SCYL3: variants seen among roughly 807,000 people sequenced by gnomAD.
The protein encoded by SCYL3 is protein-associating with the carboxyl-terminal domain of ezrin.
In SCYL3, 35 loss-of-function variants were observed where a neutral mutation model predicts 73.8. The ratio of observed to expected loss-of-function variants is 0.47; its 90% CI spans 0.36 to 0.63. The LOEUF (loss-of-function observed/expected upper bound fraction) is 0.63, where lower values mean the gene tolerates loss of function less well. Ranked by LOEUF, SCYL3 falls within the 20% of genes least tolerant of loss-of-function variation. SCYL3 has a pLI of 0.00. For missense variants in SCYL3, 712 were observed against 798.9 expected, an observed-to-expected ratio of 0.89 and a Z score of 1.31; for synonymous variants, 277 against 295.2, an observed-to-expected ratio of 0.94 and a Z score of 0.63.
At chr1:169,886,547 A>G (rs879646211) in intron 2 of SCYL3, among the ~76,000 whole-genome samples, 20 of 152,202 alleles carry the variant, frequency 1.3e-4, no homozygotes, top group Admixed American at 7.2e-4. Context: ...TTAGAGTCCA[A>G]TGTGATTCCT....
At chr1:169,867,009 G>T (rs1019682021) in intron 7 of SCYL3, 36 bp from the exon 8 acceptor site, 1 of 1,191,678 alleles carries the variant, frequency 8.4e-7, no homozygotes, top group Non-Finnish European at 1.2e-6. Flanking sequence ...CAGCAGAACA[G>T]ATTAGAGAAT....
At chr1:169,872,848 G>A (rs549842025) in intron 5 of SCYL3, among the ~76,000 whole-genome samples, 1 of 152,278 alleles carries the variant, frequency 6.6e-6, no homozygotes, top group East Asian at 1.9e-4. Flanking sequence ...CATTTGGAAT[G>A]GCCGTATTTA....
intron 11 of SCYL3, among the ~76,000 whole-genome samples, chr1:169,858,681 A>G (rs1659381523): frequency 6.6e-6 from 1 of 152,224 alleles, no homozygotes; most frequent in Non-Finnish European, 1.5e-5. Context: ...GCATTCCACT[A>G]CAGCTACAAC....
chr1:169,854,962 C>G lies in SCYL3; in HGVS notation c.1315G>C (p.Asp439His), dbSNP rs200912363. ...TKNTDLSLEG[D>H]PFSQPIKFPI... is the part of the protein sequence containing the mutation. ...AATTTAATAGGCTGAGAAAATGGAT[C>G]GCCTGTAGGGAAAATAATTATTCTC... The change falls in exon 12 of 13, where the codon GAT becomes CAT. Residue 439 changes from aspartate to histidine, a missense_variant and splice_region_variant. Physicochemically the swap from Asp to His is moderately conservative, Grantham distance 81. Transcript: ENST00000367771. 6.3e-7 allele frequency: 1 copy of G among 1,593,280 alleles called. No individual in the cohort carries two copies. Among genetic ancestry groups the G allele is most frequent in the South Asian group, 1.1e-5 (1 of 88,830 alleles).
intron 9 of SCYL3, among the ~76,000 whole-genome samples, chr1:169,864,050 G>A (rs769185825): frequency 7.2e-5 from 11 of 152,180 alleles, no homozygotes; most frequent in Non-Finnish European, 1.6e-4. Flanking sequence ...AGGAGGCACA[G>A]GCCTAAATGA....
At chr1:169,889,201 C>T (rs966715835) in intron 1 of SCYL3, among the ~76,000 whole-genome samples, 1 of 152,194 alleles carries the variant, frequency 6.6e-6, no homozygotes, top group African/African-American at 2.4e-5. Flanking sequence ...TACTTCCTAA[C>T]TCACTTGTAT....
chr1:169,851,693 C>A lies in SCYL3; in HGVS notation c.*2020G>T. On this transcript the variant is annotated 3_prime_UTR_variant, in exon 13 of 13. Transcript: ENST00000367771. ...ATACTAAGAGTATTTATAGATCAGT[C>A]CATGTGACTTCCAGAATTTGCCTAG... is the stretch of plus-strand genomic sequence containing the variant. 1 of 1,091,782 alleles carries A rather than the reference C, an allele frequency of 9.2e-7. No homozygotes were observed. Among genetic ancestry groups the A allele is most frequent in the Non-Finnish European group, 1.3e-6 (1 of 747,736 alleles). The allele number at this position is 1,091,782 out of a possible 1,614,324, so 67.6% of individuals were successfully genotyped here.
At chr1:169,859,254 C>T (rs753856544) in intron 10 of SCYL3, 42 bp from the exon 11 acceptor site, 7 of 1,554,754 alleles carry the variant, frequency 4.5e-6, no homozygotes, top group Non-Finnish European at 6.1e-6. Context: ...ACCACAATAC[C>T]TATCTCTTTC....
Position 169,854,519 on chromosome 1 carries a change from C to A in SCYL3, c.1758G>T (p.Val586=), listed in dbSNP as rs1062976. The A allele has an allele frequency of 1.1e-5, 18 of 1,613,696 alleles. No homozygotes were observed. In the Admixed American group the frequency reaches 2.3e-4, roughly 21 times the overall value. ...DDADQIEPPK[V]SSQERPLKVP... ...CCTTAAGGGGCCTTTCTTGTGATGA[C>A]ACTTTTGGCGGCTCGATTTGGTCTG... The change falls in exon 12 of 13, where the codon GTG becomes GTT. Residue 586 remains valine, a synonymous_variant. Coordinates refer to ENST00000367771, the MANE Select transcript of SCYL3 (RefSeq NM_020423.7).
At position 169,851,626 on chromosome 1, in the gene SCYL3, A is replaced by G. The variant is rs1571357397; in HGVS notation, c.*2087T>C. The G allele has an allele frequency of 5.9e-6, 4 of 674,464 alleles. No individual in the cohort carries two copies. The highest frequency in any genetic ancestry group is 9.7e-6 in the Non-Finnish European group (4 of 411,006). The allele number at this position is 674,464 out of a possible 1,614,324, so 41.8% of individuals were successfully genotyped here. On this transcript the variant is annotated 3_prime_UTR_variant, in exon 13 of 13. Transcript: ENST00000367771. Reference sequence around the variant, plus strand: ...TGCAAAGACAACTCTATAACTAACTATTTTGTAAGGAAGAACACAGTAGAG... The same window carrying G: ...TGCAAAGACAACTCTATAACTAACTGTTTTGTAAGGAAGAACACAGTAGAG...
At chr1:169,870,654 A>G (rs72637243) in intron 5 of SCYL3, among the ~76,000 whole-genome samples, 4,983 of 152,268 alleles carry the variant, frequency 0.033, 255 homozygotes, top group East Asian at 0.22. Context: ...ATGCTCTACT[A>G]TACATACACG....
At chr1:169,881,184 T>G (rs1238046533) in intron 2 of SCYL3, among the ~76,000 whole-genome samples, 6 of 152,214 alleles carry the variant, frequency 3.9e-5, no homozygotes, top group African/African-American at 1.4e-4. Flanking sequence ...CAAAGAATGG[T>G]AGGGATAGGA....
At chr1:169,860,082 A>G (rs1659505782) in intron 10 of SCYL3, 1 of 152,212 alleles carries the variant, frequency 6.6e-6, no homozygotes, top group Non-Finnish European at 1.5e-5. Context: ...AGGACAGAAA[A>G]CTTGGAAGTT....
At chr1:169,889,456 A>G (rs1322636312) in intron 1 of SCYL3, among the ~76,000 whole-genome samples, 1 of 152,202 alleles carries the variant, frequency 6.6e-6, no homozygotes, top group Admixed American at 6.5e-5. Flanking sequence ...CAATAATGGG[A>G]AAGAAAACAG....
At chr1:169,891,196 G>A (rs912660372) in intron 1 of SCYL3, among the ~76,000 whole-genome samples, 1 of 152,168 alleles carries the variant, frequency 6.6e-6, no homozygotes, top group African/African-American at 2.4e-5. Context: ...GTGGAGCTAC[G>A]GCAAACCAAA....
chr1:169,876,101 AAAAAG>A lies in SCYL3; in HGVS notation c.352-15_352-11del. 1.3e-6 allele frequency: 2 copies of A among 1,526,004 alleles called. No homozygotes were observed. The highest frequency in any genetic ancestry group is 1.8e-6 in the Non-Finnish European group (2 of 1,127,580). 94.5% of individuals were successfully genotyped at this position (1,526,004 alleles called of 1,614,324 possible). A position where few individuals can be genotyped will look rare whatever the true frequency, so the allele number is the denominator to read the frequency against. ...TGTGTGTTAGGTGTCCCTGGAAAAA[AAAAAG>A]AACAGAAGGAAGAGTGCCACTCCAG... On this transcript the variant is annotated splice_polypyrimidine_tract_variant and intron_variant, in intron 3 of 12. Transcript: ENST00000367771.
rs1657875631 is a variant in SCYL3 at position 169,849,838 on chromosome 1, A to G, written c.*3875T>C. The G allele has an allele frequency of 3.8e-6, 2 of 528,222 alleles. No individual in the cohort carries two copies. Among genetic ancestry groups the G allele is most frequent in the South Asian group, 4.5e-5 (2 of 44,656 alleles). The allele number at this position is 528,222 out of a possible 1,614,324, so 32.7% of individuals were successfully genotyped here. A position where few individuals can be genotyped will look rare whatever the true frequency, so the allele number is the denominator to read the frequency against. On this transcript the variant is annotated 3_prime_UTR_variant, in exon 13 of 13. Coordinates refer to ENST00000367771, the MANE Select transcript of SCYL3 (RefSeq NM_020423.7). ...AAGGACCAGAACAGGCATACACAGC[A>G]GGCCTACTGATACAGACAGACACAG...
chr1:169,856,688 T>G (rs909276372), intron 11 of SCYL3, among the ~76,000 whole-genome samples: 10 of 151,924 alleles, frequency 6.6e-5, no homozygotes, highest in African/African-American at 1.2e-4. Context: ...ATCCGATGTC[T>G]TCTTCTCTGA....
At chr1:169,859,996 T>C (rs1659498465) in intron 10 of SCYL3, 2 of 152,372 alleles carry the variant, frequency 1.3e-5, no homozygotes, top group African/African-American at 2.4e-5. Context: ...AGTGGGTTCA[T>C]GCCTGTGAAG....
Sources: gnomAD v4.1 joint callset for allele counts (sites outside exome capture counted in the v4.1 genomes callset) on GRCh38, gnomAD v4.1.1 for gene constraint, MANE v1.5 for transcripts, NCBI Gene and HGNC (gene_info 2026-07-23, HGNC 2026-07-21) for gene names.